GRM3: variants seen among roughly 807,000 people sequenced by gnomAD.
The protein encoded by GRM3 is metabotropic glutamate receptor 3.
A neutral mutation model predicts 70.5 loss-of-function variants in GRM3; 26 were observed. The ratio of observed to expected loss-of-function variants is 0.37; its 90% CI spans 0.27 to 0.51. GRM3 has a LOEUF of 0.51. Ranked by LOEUF, GRM3 falls within the 20% of genes least tolerant of loss-of-function variation. GRM3 has a pLI of 0.93. For missense variants in GRM3, 859 were observed against 1,123.8 expected (o/e 0.76, Z 3.37); for synonymous variants, 443 against 434.9 (o/e 1.02, Z -0.23).
chr7:86,817,418 T>A (rs923083631), intron 3 of GRM3, among the ~76,000 whole-genome samples: 9 of 151,952 alleles, frequency 5.9e-5, no homozygotes, highest in African/African-American at 2.2e-4. Context: ...ACAATTCCAA[T>A]CTTATTTATG....
chr7:86,720,153 TAAAGTC>T (rs1265954949), intron 1 of GRM3, among the ~76,000 whole-genome samples: 1 of 151,886 alleles, frequency 6.6e-6, no homozygotes, highest in African/African-American at 2.4e-5. Flanking sequence ...AAGATGATGA[TAAAGTC>T]AAATAAGTCA....
chr7:86,814,897 C>G (rs962036805), intron 3 of GRM3, among the ~76,000 whole-genome samples: 1 of 151,418 alleles, frequency 6.6e-6, no homozygotes, highest in Non-Finnish European at 1.5e-5. Flanking sequence ...GTTTCATGGG[C>G]TCAGTGAATT....
intron 1 of GRM3, among the ~76,000 whole-genome samples, chr7:86,754,165 C>T (rs1372678957): frequency 1.3e-5 from 2 of 152,074 alleles, no homozygotes; most frequent in East Asian, 1.9e-4. Context: ...ATCTGATATA[C>T]ACAAGTTGAC....
chr7:86,801,921 C>T (rs1384142546), intron 3 of GRM3, among the ~76,000 whole-genome samples: 3 of 151,952 alleles, frequency 2.0e-5, no homozygotes, highest in Non-Finnish European at 4.4e-5. Flanking sequence ...GTTTTAGTCC[C>T]CTTGTATAAA....
At chr7:86,703,019 T>C (rs1584178526) in intron 1 of GRM3, among the ~76,000 whole-genome samples, 1 of 152,002 alleles carries the variant, frequency 6.6e-6, no homozygotes, top group South Asian at 2.1e-4. Flanking sequence ...AATGAAGTTT[T>C]GTTTTCATGC....
At chr7:86,821,519 T>C (rs1299780991) in intron 3 of GRM3, among the ~76,000 whole-genome samples, 1 of 152,158 alleles carries the variant, frequency 6.6e-6, no homozygotes, top group East Asian at 1.9e-4. Context: ...TAATTTAACA[T>C]TCACAATAAC....
chr7:86,673,144 A>G (rs1198177760), intron 1 of GRM3, among the ~76,000 whole-genome samples: 5 of 152,096 alleles, frequency 3.3e-5, no homozygotes, highest in African/African-American at 1.2e-4. Context: ...TATCACTTAC[A>G]TCAAAGGCAT....
intron 3 of GRM3, among the ~76,000 whole-genome samples, chr7:86,789,630 G>A (rs923925818): frequency 2.0e-5 from 3 of 152,112 alleles, no homozygotes; most frequent in African/African-American, 7.2e-5. Flanking sequence ...ACACTTAGCA[G>A]ACACTAAACA....
At chr7:86,734,156 A>G (rs532145043) in intron 1 of GRM3, among the ~76,000 whole-genome samples, 126 of 152,320 alleles carry the variant, frequency 8.3e-4, no homozygotes, top group African/African-American at 1.7e-3. Flanking sequence ...ATAAGGAGCC[A>G]TATTTAGTTC....
rs578068542 is a variant in GRM3, at chr7:86,704,564, C to T, written c.-141+59692C>T. Among the ~76,000 whole-genome samples the T allele has an allele frequency of 4.8e-4, 73 of 151,904 alleles. No homozygotes were observed. The South Asian group carries it at 5.6e-3, about 12-fold the overall frequency. ...ACAACATCAAACATTTAGTAGTTTG[C>T]AATACACCAAAGGAAAAATGATGAT... On this transcript the variant is annotated intron_variant, in intron 1 of 5. Coordinates refer to ENST00000361669, the MANE Select transcript of GRM3 (RefSeq NM_000840.3).
chr7:86,738,251 A>G (rs1168425470), intron 1 of GRM3, among the ~76,000 whole-genome samples: 2 of 152,184 alleles, frequency 1.3e-5, no homozygotes, highest in Non-Finnish European at 2.9e-5. Context: ...GAAAGAACAG[A>G]AAATGGAGCT....
intron 3 of GRM3, among the ~76,000 whole-genome samples, chr7:86,808,585 C>T (rs1259584188): frequency 1.3e-5 from 2 of 151,626 alleles, no homozygotes; most frequent in African/African-American, 2.4e-5. Flanking sequence ...TAAGGCATCC[C>T]AGGTAGAGGG....
At chr7:86,831,367 T>C (rs1417507411) in intron 3 of GRM3, among the ~76,000 whole-genome samples, 2 of 152,044 alleles carry the variant, frequency 1.3e-5, no homozygotes, top group African/African-American at 4.8e-5. Flanking sequence ...AAACACTTAT[T>C]AGAGCAGATG....
At chr7:86,656,730 C>A (rs902778678) in intron 1 of GRM3, among the ~76,000 whole-genome samples, 4 of 151,972 alleles carry the variant, frequency 2.6e-5, no homozygotes, top group African/African-American at 9.7e-5. Context: ...TATATTTACT[C>A]ATTGAATGTA....
intron 3 of GRM3, among the ~76,000 whole-genome samples, chr7:86,833,926 T>C (rs1393710371): frequency 1.3e-5 from 2 of 152,186 alleles, no homozygotes; most frequent in Non-Finnish European, 1.5e-5. Context: ...ATTTTACACA[T>C]TAACAAAACA....
Position 86,765,607 on chromosome 7 carries a change from C to A in GRM3, c.462C>A (p.Ser154=), listed in dbSNP as rs776239124. Residue 154 remains serine (S), a synonymous_variant, in exon 2 of 6, where the codon TCC becomes TCA. Transcript: ENST00000361669. ...GVIGGSYSSV[S]IQVANLLRLF... ...TTGGTGGCTCTTATAGCAGTGTTTC[C>A]ATACAGGTAAGATTGGCTAATGCTA... 1.2e-6 allele frequency: 2 copies of A among 1,611,402 alleles called. No individual in the cohort carries two copies. The highest frequency in any genetic ancestry group is 1.7e-6 in the Non-Finnish European group (2 of 1,178,102).
At chr7:86,818,727 C>G (rs1251640030) in intron 3 of GRM3, among the ~76,000 whole-genome samples, 1 of 151,950 alleles carries the variant, frequency 6.6e-6, no homozygotes, top group African/African-American at 2.4e-5. Context: ...GCATATATAC[C>G]AAATGTGTCA....
chr7:86,793,330 C>T (rs1797469187), intron 3 of GRM3, among the ~76,000 whole-genome samples: 1 of 152,178 alleles, frequency 6.6e-6, no homozygotes, highest in Non-Finnish European at 1.5e-5. Context: ...CAGCAAGGCT[C>T]TCCTCTTGAA....
intron 1 of GRM3, among the ~76,000 whole-genome samples, chr7:86,693,495 A>G (rs1203288559): frequency 6.6e-6 from 1 of 152,242 alleles, no homozygotes; most frequent in African/African-American, 2.4e-5. Context: ...AGAAGAACTC[A>G]GTGAAACTGG....
Sources: allele counts gnomAD v4.1 joint callset (sites outside exome capture counted in the v4.1 genomes callset), GRCh38; gene constraint gnomAD v4.1.1; transcripts MANE v1.5; gene names NCBI Gene and HGNC (gene_info 2026-07-23, HGNC 2026-07-21).